Variants in SLC9A3 observed in about 807,000 individuals in gnomAD.
SLC9A3 encodes solute carrier family 9 member A3.
SLC9A3 carries 37 observed loss-of-function variants against 86.8 expected under a neutral mutation model. The observed-to-expected ratio is 0.43, with a 90% confidence interval of 0.33 to 0.56. The LOEUF is 0.56. SLC9A3 is among the 20% of genes least tolerant of loss of function. The probability of loss-of-function intolerance (pLI) is 0.06; values close to 1 mark genes in which losing one functional copy is unlikely to be tolerated. For synonymous variants in SLC9A3, 581 were observed against 528.3 expected, an observed-to-expected ratio of 1.10 and a Z score of -1.37; for missense variants, 1,011 against 1,171.9, an observed-to-expected ratio of 0.86 and a Z score of 2.00.
Position 524,205 on chromosome 5 carries a change from C to A in SLC9A3, c.118G>T (p.Gly40Trp), listed in dbSNP as rs866241750. The change falls in exon 1 of 17, where the codon GGG becomes TGG. Residue 40 changes from glycine (G) to tryptophan (W), a missense_variant. This residue lies in a region of SLC9A3 where 565 missense variants were observed against 790.0 expected (regional missense o/e 0.72). Transcript: ENST00000264938. ...TCGAAGGTGACCACCTGGAAGCCCC[C>A]GCTCTCGCCGTGCGCGCCGCCGGGC... is the stretch of plus-strand genomic sequence containing the variant. ...VEPGGAHGES[G>W]GFQVVTFEWA... is the part of the protein sequence containing the mutation. The A allele has an allele frequency of 1.3e-6, 2 of 1,530,726 alleles. No homozygotes were observed. The highest frequency in any genetic ancestry group is 1.2e-5 in the South Asian group (1 of 81,706). The allele number at this position is 1,530,726 out of a possible 1,614,324, so 94.8% of individuals were successfully genotyped here. A position where few individuals can be genotyped will look rare whatever the true frequency, so the allele number is the denominator to read the frequency against.
intron 1 of SLC9A3, among the ~76,000 whole-genome samples, chr5:508,075 G>A (rs1241678802): frequency 1.3e-5 from 2 of 152,214 alleles, no homozygotes; most frequent in African/African-American, 4.8e-5. Flanking sequence ...CTTGGCGCCC[G>A]CCCCTCACAC....
chr5:479,452 T>C, intron 10 of SLC9A3: 1 of 218,746 alleles, frequency 4.6e-6, no homozygotes, highest in Admixed American at 5.3e-5. Context: ...CTGCTGCCCC[T>C]CTGCCTGTGC....
chr5:482,203 A>G (rs1468702342), intron 7 of SLC9A3, 46 bp from the exon 8 acceptor site: 2 of 1,350,882 alleles, frequency 1.5e-6, no homozygotes, highest in Non-Finnish European at 2.1e-6. Flanking sequence ...AGCCCCCCAC[A>G]TCCCGCTGGC....
In SLC9A3 at chr5:481,414, ACACCTGG is replaced by A. The variant is rs1220665138; in HGVS notation, c.1517+144_1517+150del. On this transcript the variant is annotated intron_variant, in intron 9 of 16. Transcript: ENST00000264938. ...CCGCAGCACCTGCGTGTCTCGGGGCACACCTGGCACCTGGCCTCATGGGGCACCGGAG... is the reference window on the plus strand; with the variant it reads ...CCGCAGCACCTGCGTGTCTCGGGGCACACCTGGCCTCATGGGGCACCGGAG... 11 of 728,300 alleles carry A rather than the reference ACACCTGG, an allele frequency of 1.5e-5. No individual in the cohort carries two copies. The Admixed American group carries it at 2.0e-4, about 13-fold the overall frequency. The allele number at this position is 728,300 out of a possible 1,614,324, so 45.1% of individuals were successfully genotyped here.
intron 2 of SLC9A3, among the ~76,000 whole-genome samples, chr5:490,770 C>T (rs993615386): frequency 6.6e-6 from 1 of 152,222 alleles, no homozygotes; most frequent in Non-Finnish European, 1.5e-5. Context: ...GTCCTGACCA[C>T]CTATGGCATC....
At chr5:522,031 G>A (rs890872077) in intron 1 of SLC9A3, among the ~76,000 whole-genome samples, 2 of 152,210 alleles carry the variant, frequency 1.3e-5, no homozygotes, top group Admixed American at 6.5e-5. Context: ...TTGAGGGGAC[G>A]ACAGGGAGCG....
intron 2 of SLC9A3, among the ~76,000 whole-genome samples, chr5:489,304 T>C (rs1739617022): frequency 6.6e-6 from 1 of 151,798 alleles, no homozygotes; most frequent in Non-Finnish European, 1.5e-5. Context: ...GCCGTGAGGG[T>C]GTGGGAGAGA....
chr5:488,620 G>C, intron 2 of SLC9A3, 144 bp from the exon 3 acceptor site: 1 of 806,184 alleles, frequency 1.2e-6, no homozygotes, highest in South Asian at 1.9e-5. Context: ...AGCTTCCTGC[G>C]TCCCTCCCAC....
At chr5:475,421 G>A in intron 15 of SLC9A3, 140 bp downstream of exon 15, 1 of 637,820 alleles carries the variant, frequency 1.6e-6, no homozygotes, top group Non-Finnish European at 2.7e-6. Flanking sequence ...CACTCAGTGG[G>A]TGCCAAGCAG....
chr5:520,944 T>C (rs1039168491), intron 1 of SLC9A3, among the ~76,000 whole-genome samples: 1 of 152,000 alleles, frequency 6.6e-6, no homozygotes, highest in Non-Finnish European at 1.5e-5. Flanking sequence ...GAGGCGGGGA[T>C]TCTGGTGGGC....
Position 472,487 on chromosome 5 carries a change from G to T in SLC9A3, c.*892C>A. 2 of 334,814 alleles carry T rather than the reference G, an allele frequency of 6.0e-6. No homozygotes were observed. The highest frequency in any genetic ancestry group is 1.2e-5 in the Non-Finnish European group (2 of 170,008). 20.7% of individuals were successfully genotyped at this position (334,814 alleles called of 1,614,324 possible). A position where few individuals can be genotyped will look rare whatever the true frequency, so the allele number is the denominator to read the frequency against. On this transcript the variant is annotated 3_prime_UTR_variant, in exon 17 of 17. Transcript: ENST00000264938. Reference sequence around the variant, plus strand: ...ACCTCTCACCCAGCCAGGGCACCCCGGGCGACCTCCGCGCCAGGTGCGACA... The same window carrying T: ...ACCTCTCACCCAGCCAGGGCACCCCTGGCGACCTCCGCGCCAGGTGCGACA...
In SLC9A3 at chr5:496,432, C is replaced by T. The variant is rs542558411; in HGVS notation, c.212-4361G>A. The stretch of plus-strand genomic sequence containing the variant: ...CCTGTGGGTGACGCGTGAACGACCC[C>T]GTTCTGTGAAAGTGTCGGCTTGCTC... On this transcript the variant is annotated intron_variant, in intron 1 of 16. Transcript: ENST00000264938. The surrounding 1 kb of genome is among the most constrained non-coding windows in gnomAD (Gnocchi z 4.7). Among the ~76,000 whole-genome samples, 3 of 152,370 alleles carry T rather than the reference C, an allele frequency of 2.0e-5. No homozygotes were observed. The highest frequency in any genetic ancestry group is 1.9e-4 in the East Asian group (1 of 5,186).
At chr5:490,196 A>T (rs866225284) in intron 2 of SLC9A3, among the ~76,000 whole-genome samples, 7 of 150,898 alleles carry the variant, frequency 4.6e-5, no homozygotes, top group South Asian at 4.2e-4. Flanking sequence ...GGCTGAGCGC[A>T]GGCCTCCAGC....
intron 1 of SLC9A3, among the ~76,000 whole-genome samples, chr5:492,565 G>C (rs1352789439): frequency 3.9e-5 from 6 of 152,092 alleles, no homozygotes; most frequent in African/African-American, 1.4e-4. Context: ...AACGAGGAGA[G>C]TGCAGGGGCA....
intron 1 of SLC9A3, among the ~76,000 whole-genome samples, chr5:510,909 C>G (rs930421589): frequency 6.6e-6 from 1 of 152,222 alleles, no homozygotes; most frequent in Non-Finnish European, 1.5e-5. Flanking sequence ...ATAGCTGTGC[C>G]TGGACACCTG....
At chr5:483,568 G>T in intron 5 of SLC9A3, 86 bp from the exon 6 acceptor site, 1 of 928,838 alleles carries the variant, frequency 1.1e-6, no homozygotes, top group Non-Finnish European at 1.7e-6. Flanking sequence ...ACGGCCTGGC[G>T]CCTGTAGGCC....
rs935103813 is a variant in SLC9A3 at position 472,172 on chromosome 5, CTG to C, written c.*1205_*1206del. 1.4e-5 allele frequency: 5 copies of C among 369,256 alleles called. No individual in the cohort carries two copies. Among genetic ancestry groups the C allele is most frequent in the African/African-American group, 6.4e-5 (3 of 47,136 alleles). The allele number at this position is 369,256 out of a possible 1,614,324, so 22.9% of individuals were successfully genotyped here. On this transcript the variant is annotated 3_prime_UTR_variant, in exon 17 of 17. Transcript: ENST00000264938. ...CCGCGGCCTCCGCCCACTCAATGGA[CTG>C]TGCCTCCCAGAGCTTGGGCTGGATG...
At chr5:493,363 C>T (rs974829383) in intron 1 of SLC9A3, among the ~76,000 whole-genome samples, 16 of 152,224 alleles carry the variant, frequency 1.1e-4, no homozygotes, top group Middle Eastern at 3.2e-3. Flanking sequence ...CACCCGCCCC[C>T]GAAGAATGTG....
intron 1 of SLC9A3, among the ~76,000 whole-genome samples, chr5:517,050 G>A (rs867070463): frequency 5.3e-5 from 8 of 151,872 alleles, no homozygotes; most frequent in South Asian, 2.1e-4. Context: ...CCACTCATTC[G>A]TTCATTCCTC....
Sources: gnomAD v4.1 joint callset for allele counts (sites outside exome capture counted in the v4.1 genomes callset) on GRCh38, gnomAD v4.1.1 for gene constraint, gnomAD v4.1.1 regional missense constraint, Gnocchi (gnomAD v3.1) non-coding constraint, MANE v1.5 for transcripts, NCBI Gene and HGNC (gene_info 2026-07-23, HGNC 2026-07-21) for gene names.